NCOA1: variants seen among roughly 807,000 people sequenced by gnomAD.
NCOA1 encodes Hin-2 protein.
NCOA1 carries 35 observed loss-of-function variants against 150.9 expected under a neutral mutation model. The ratio of observed to expected loss-of-function variants is 0.23; its 90% CI spans 0.18 to 0.31. NCOA1 has a LOEUF of 0.31. Among genes scored for constraint, NCOA1 ranks in the 10% least tolerant of loss-of-function variants. The pLI is 1.00. For missense variants in NCOA1, 1,491 were observed against 1,749.3 expected, an observed-to-expected ratio of 0.85 and a Z score of 2.63; for synonymous variants, 590 against 630.0, an observed-to-expected ratio of 0.94 and a Z score of 0.95.
At chr2:24,548,528 A>G (rs1665697147) in intron 1 of NCOA1, among the ~76,000 whole-genome samples, 1 of 152,184 alleles carries the variant, frequency 6.6e-6, no homozygotes, top group Admixed American at 6.5e-5. Context: ...GTCTTAGCTC[A>G]TTTCAGCATT....
intron 17 of NCOA1, among the ~76,000 whole-genome samples, chr2:24,732,873 A>G (rs1663089303): frequency 6.6e-6 from 1 of 152,022 alleles, no homozygotes; most frequent in African/African-American, 2.4e-5. Flanking sequence ...AAGCCAGGAA[A>G]CTTTTTCCAG....
At chr2:24,725,432 T>C (rs1674567417) in intron 14 of NCOA1, among the ~76,000 whole-genome samples, 1 of 152,046 alleles carries the variant, frequency 6.6e-6, no homozygotes, top group Admixed American at 6.6e-5. Flanking sequence ...GTATTTTTTT[T>C]CTCCTGAACT....
At chr2:24,757,069 G>A (rs753910235) in intron 20 of NCOA1, among the ~76,000 whole-genome samples, 6 of 152,190 alleles carry the variant, frequency 3.9e-5, no homozygotes, top group Non-Finnish European at 7.3e-5. Flanking sequence ...TTAATTTGTA[G>A]CATATTGAAA....
chr2:24,689,386 C>T (rs776956818), intron 8 of NCOA1, among the ~76,000 whole-genome samples: 5 of 151,924 alleles, frequency 3.3e-5, no homozygotes, highest in Admixed American at 6.6e-5. Flanking sequence ...TGTGTCATCT[C>T]TGATTTCTTT....
chr2:24,537,811 A>G (rs906978823), intron 1 of NCOA1, among the ~76,000 whole-genome samples: 3 of 151,024 alleles, frequency 2.0e-5, no homozygotes, highest in African/African-American at 4.8e-5. Flanking sequence ...ATCTATCTAT[A>G]TATATCTCAT....
intron 13 of NCOA1, 109 bp from the exon 14 acceptor site, chr2:24,710,822 C>A: frequency 9.4e-7 from 1 of 1,064,632 alleles, no homozygotes. Flanking sequence ...TCTTCATTAT[C>A]TCAAAGTCAC....
intron 3 of NCOA1, among the ~76,000 whole-genome samples, chr2:24,641,007 C>T (rs147618848): frequency 4.7e-4 from 72 of 152,082 alleles, no homozygotes; most frequent in African/African-American, 1.7e-3. Context: ...TGCCTTCTTT[C>T]GGGTTAACCA....
At chr2:24,547,966 G>T (rs1480406074) in intron 1 of NCOA1, among the ~76,000 whole-genome samples, 1 of 117,834 alleles carries the variant, frequency 8.5e-6, no homozygotes, top group African/African-American at 3.3e-5. Context: ...TCCAGCCTGG[G>T]CAACAGAGTG....
chr2:24,534,452 A>C (rs944212386), intron 1 of NCOA1, among the ~76,000 whole-genome samples: 3 of 148,712 alleles, frequency 2.0e-5, no homozygotes, highest in African/African-American at 7.5e-5. Context: ...TATCTCCTTC[A>C]GTTCTGCTCT....
intron 1 of NCOA1, among the ~76,000 whole-genome samples, chr2:24,519,483 C>T (rs1664335140): frequency 6.6e-6 from 1 of 151,818 alleles, no homozygotes; most frequent in African/African-American, 2.4e-5. Context: ...TTGAGTTGTA[C>T]AAGTTTTTGT....
chr2:24,705,083 C>T lies in NCOA1; in HGVS notation c.950-3C>T. On this transcript the variant is annotated splice_polypyrimidine_tract_variant and splice_region_variant and intron_variant, in intron 11 of 22. Coordinates refer to ENST00000348332, the MANE Select transcript of NCOA1 (RefSeq NM_003743.5). ...AACTAGGTTTCTCTTCTGTTTGAAA[C>T]AGTGATGACTCGTGGCACTGCCTCC... is the stretch of plus-strand genomic sequence containing the variant. The T allele has an allele frequency of 6.2e-7, 1 of 1,611,374 alleles. No homozygotes were observed. Among genetic ancestry groups the T allele is most frequent in the Non-Finnish European group, 8.5e-7 (1 of 1,178,552 alleles).
intron 5 of NCOA1, among the ~76,000 whole-genome samples, chr2:24,660,451 TTATG>T (rs948118513): frequency 2.6e-5 from 4 of 152,062 alleles, no homozygotes; most frequent in Non-Finnish European, 4.4e-5. Context: ...TTTTTAATAA[TTATG>T]TGTGTATTTT....
chr2:24,640,705 C>T (rs1670174097), intron 3 of NCOA1, among the ~76,000 whole-genome samples: 1 of 152,054 alleles, frequency 6.6e-6, no homozygotes, highest in Admixed American at 6.5e-5. Context: ...AAGAAACTTC[C>T]CTTTTTATGT....
chr2:24,748,617 A>C (rs1239175412), intron 19 of NCOA1, among the ~76,000 whole-genome samples: 1 of 10,258 alleles, frequency 9.7e-5, no homozygotes, highest in African/African-American at 1.2e-4. Flanking sequence ...ACTCGGTCTC[A>C]AAAAAAAAAA....
chr2:24,675,736 T>G (rs1039004274), intron 7 of NCOA1, among the ~76,000 whole-genome samples: 5 of 152,188 alleles, frequency 3.3e-5, no homozygotes, highest in East Asian at 3.9e-4. Context: ...AATATAAAAA[T>G]TAGCCAGGCA....
intron 1 of NCOA1, among the ~76,000 whole-genome samples, chr2:24,545,124 A>G (rs1167881462): frequency 6.6e-6 from 1 of 152,206 alleles, no homozygotes; most frequent in Non-Finnish European, 1.5e-5. Context: ...ACCCAGTAGC[A>G]TGAGCACACC....
chr2:24,731,600 A>G (rs753693231), intron 17 of NCOA1, among the ~76,000 whole-genome samples: 33 of 152,214 alleles, frequency 2.2e-4, no homozygotes, highest in Admixed American at 3.3e-4. Context: ...AAATGATAGA[A>G]TAACAATAAA....
At chr2:24,674,484 G>A (rs530162202) in intron 7 of NCOA1, among the ~76,000 whole-genome samples, 3 of 152,280 alleles carry the variant, frequency 2.0e-5, no homozygotes, top group Admixed American at 6.5e-5. Context: ...GGGATTACAG[G>A]CGTGAGCCAC....
At chr2:24,715,972 C>T (rs1389495346) in intron 14 of NCOA1, among the ~76,000 whole-genome samples, 1 of 151,972 alleles carries the variant, frequency 6.6e-6, no homozygotes, top group East Asian at 1.9e-4. Context: ...GAAACCCCGT[C>T]TCTACTAAAA....
Sources: allele counts gnomAD v4.1 joint callset (sites outside exome capture counted in the v4.1 genomes callset), GRCh38; gene constraint gnomAD v4.1.1; transcripts MANE v1.5; gene names NCBI Gene and HGNC (gene_info 2026-07-23, HGNC 2026-07-21).